YIPF6: variants seen among roughly 807,000 people sequenced by gnomAD.
YIPF6 encodes protein YIPF6.
Under a neutral mutation model 16.8 loss-of-function variants are expected in YIPF6, and 3 were observed. The observed-to-expected ratio is 0.18, with a 90% CI of 0.08 to 0.46. YIPF6 has a LOEUF of 0.46. YIPF6 is among the 20% of genes least tolerant of loss of function. The pLI is 0.98. For synonymous variants in YIPF6, 67 were observed against 61.9 expected (o/e 1.08, Z -0.38); for missense variants, 145 against 184.9 (o/e 0.78, Z 1.25).
intron 6 of YIPF6, among the ~76,000 whole-genome samples, chrX:68,525,785 AGAT>A (rs1258678424): frequency 7.2e-5 from 8 of 111,747 alleles, no homozygotes; most frequent in African/African-American, 2.6e-4. Flanking sequence ...GTCAAAGATC[AGAT>A]GATTTTGGAT....
intron 6 of YIPF6, among the ~76,000 whole-genome samples, chrX:68,524,733 T>A (rs1205060731): frequency 9.1e-6 from 1 of 109,474 alleles, no homozygotes; most frequent in African/African-American, 3.3e-5. Flanking sequence ...CCATGTGTTC[T>A]CATTGTTCAA....
chrX:68,518,970 C>T (rs778195918), intron 4 of YIPF6, among the ~76,000 whole-genome samples, 158 bp downstream of exon 4: 1 of 111,707 alleles, frequency 9.0e-6, no homozygotes, highest in Non-Finnish European at 1.9e-5. Flanking sequence ...TCTAAAGTCA[C>T]TTTCCAAATC....
chrX:68,511,967 G>A lies in YIPF6; in HGVS notation c.176G>A (p.Arg59His), dbSNP rs763487554. 29 of 1,205,274 alleles carry A rather than the reference G, an allele frequency of 2.4e-5. No homozygotes were observed. The highest frequency in any genetic ancestry group is 1.4e-4 in the African/African-American group (8 of 57,027). The change falls in exon 2 of 7, where the codon CGC becomes CAC. Residue 59 changes from arginine to histidine, a missense_variant. Transcript: ENST00000462683. The part of the protein sequence containing the change: ...FDSSTLNESV[R>H]NTIMRDLKAV... ...AGCTCCACATTAAATGAATCTGTTC[G>A]CAATACCATCGTAAGTTAGACTAGT... is the stretch of plus-strand genomic sequence containing the variant.
intron 6 of YIPF6, among the ~76,000 whole-genome samples, chrX:68,528,667 G>A (rs1461068896): frequency 9.0e-6 from 1 of 111,683 alleles, no homozygotes; most frequent in Non-Finnish European, 1.9e-5. Flanking sequence ...GCTATTGTAA[G>A]GCAGTCCTGG....
At chrX:68,524,789 T>C (rs749804655) in intron 6 of YIPF6, among the ~76,000 whole-genome samples, 124 of 110,924 alleles carry the variant, frequency 1.1e-3, no homozygotes, top group African/African-American at 4.0e-3. Flanking sequence ...TTTCTGTTCC[T>C]GTGGTAGTTT....
In YIPF6 at chrX:68,510,504, T is replaced by A. The variant is rs1456265392; in HGVS notation, c.58-1345T>A. 3.6e-5 allele frequency among the ~76,000 whole-genome samples: 4 copies of A among 110,995 alleles called. No individual in the cohort carries two copies. In the Admixed American group the frequency reaches 3.9e-4, roughly 11 times the overall value. ...ACCTTTAAAAAAAAATTCTATGGCA[T>A]GTTTCTTATATTTAAGAAATATGAG... On this transcript the variant is annotated intron_variant, in intron 1 of 6. Coordinates refer to ENST00000462683, the MANE Select transcript of YIPF6 (RefSeq NM_173834.4).
In YIPF6 at chrX:68,518,790, A is replaced by T. The variant is rs146082304; in HGVS notation, c.286A>T (p.Ile96Phe). 4.2e-6 allele frequency: 5 copies of T among 1,177,859 alleles called. No individual in the cohort carries two copies. In the African/African-American group the frequency reaches 5.5e-5, roughly 13 times the overall value. Reference sequence around the variant, plus strand: ...TGTAGGGGATTTGTGGGGCCCTTTGATCCTTTGTGTGACACTCGCATTGTA... The same window carrying T: ...TGTAGGGGATTTGTGGGGCCCTTTGTTCCTTTGTGTGACACTCGCATTGTA... ...LRDWDLWGPL[I>F]LCVTLALMLQ... Residue 96 changes from isoleucine (I) to phenylalanine (F), a missense_variant, in exon 4 of 7, where the codon ATC (isoleucine) becomes TTC (phenylalanine). By Grantham distance (21) the Ile-to-Phe change is conservative. Coordinates refer to ENST00000462683, the MANE Select transcript of YIPF6 (RefSeq NM_173834.4).
chrX:68,523,148 A>G (rs1291448814), intron 6 of YIPF6, among the ~76,000 whole-genome samples: 1 of 110,526 alleles, frequency 9.0e-6, no homozygotes, highest in Non-Finnish European at 1.9e-5. Flanking sequence ...TTTAAAAAAA[A>G]AAAAAGGTTG....
chrX:68,511,893 A>G lies in YIPF6; in HGVS notation c.102A>G (p.Val34=). ...SDISISQDIP[V]EGEITIPMRS... ...TATCCATCTCACAAGACATCCCCGT[A>G]GAAGGAGAAATCACCATTCCTATGA... Residue 34 remains valine (V), a synonymous_variant, in exon 2 of 7, where the codon GTA becomes GTG. Transcript: ENST00000462683. 1 of 1,210,593 alleles carries G rather than the reference A, an allele frequency of 8.3e-7. No individual in the cohort carries two copies.
intron 1 of YIPF6, among the ~76,000 whole-genome samples, chrX:68,508,088 A>G (rs1394221630): frequency 1.9e-5 from 2 of 102,601 alleles, no homozygotes; most frequent in Admixed American, 1.1e-4. Context: ...TTGATGTCTC[A>G]TTATTTTTGG....
intron 6 of YIPF6, among the ~76,000 whole-genome samples, chrX:68,527,070 C>G (rs2079151533): frequency 8.9e-6 from 1 of 111,851 alleles, no homozygotes; most frequent in Non-Finnish European, 1.9e-5. Context: ...TCTTGTACCT[C>G]TGGTAGAATT....
Position 68,534,497 on chromosome X carries a change from C to T in YIPF6, c.*2498C>T, listed in dbSNP as rs1351285428. 9.0e-6 allele frequency: 1 copy of T among 110,856 alleles called. No homozygotes were observed. Among genetic ancestry groups the T allele is most frequent in the Non-Finnish European group, 1.9e-5 (1 of 53,017 alleles). 9.1% of individuals were successfully genotyped at this position (110,856 alleles called of 1,213,427 possible). A position where few individuals can be genotyped will look rare whatever the true frequency, so the allele number is the denominator to read the frequency against. On this transcript the variant is annotated 3_prime_UTR_variant, in exon 7 of 7. Coordinates refer to ENST00000462683, the MANE Select transcript of YIPF6 (RefSeq NM_173834.4). ...ATAACTCAGTTTTTATCTTTTTTCA[C>T]ATTGAAAATCAGTTAGATTTGCTTA...
In YIPF6 at chrX:68,502,830, C is replaced by CT. The variant is rs201143857; in HGVS notation, c.57+3721dup. ...TGTAATAATGGCTGCAGTCTGGGGT[C>CT]TTTTTTTTTTTTTTGAGCCGGAGTT... On this transcript the variant is annotated intron_variant, in intron 1 of 6. Coordinates refer to ENST00000462683, the MANE Select transcript of YIPF6 (RefSeq NM_173834.4). Among the ~76,000 whole-genome samples the CT allele has an allele frequency of 2.6e-3, 253 of 97,010 alleles. 1 individual carries two copies. The highest frequency in any genetic ancestry group is 0.022 in the South Asian group (48 of 2,161). The allele number at this position is 97,010 out of a possible 115,157, so 84.2% of individuals were successfully genotyped here.
chrX:68,500,135 A>G (rs2079035465), intron 1 of YIPF6, among the ~76,000 whole-genome samples: 1 of 111,906 alleles, frequency 8.9e-6, no homozygotes, highest in Non-Finnish European at 1.9e-5. Context: ...AGATAAAAAT[A>G]CCTGCCTCAA....
rs753527502 is a variant in YIPF6, at chrX:68,533,846, ACT to A, written c.*1852_*1853del. On this transcript the variant is annotated 3_prime_UTR_variant, in exon 7 of 7. Transcript: ENST00000462683. The stretch of plus-strand genomic sequence containing the variant: ...TGAAATTCTCTTACTTCCTGCTAAA[ACT>A]CTCTTTCTGCCAAAGTTGTTTCGTA... 7.2e-5 allele frequency: 8 copies of A among 111,698 alleles called. No individual in the cohort carries two copies. Among genetic ancestry groups the A allele is most frequent in the Non-Finnish European group, 1.1e-4 (6 of 53,108 alleles). 9.2% of individuals were successfully genotyped at this position (111,698 alleles called of 1,213,427 possible). A position where few individuals can be genotyped will look rare whatever the true frequency, so the allele number is the denominator to read the frequency against.
At chrX:68,515,672 CT>C (rs528529230) in intron 3 of YIPF6, among the ~76,000 whole-genome samples, 98 of 101,978 alleles carry the variant, frequency 9.6e-4, no homozygotes, top group Admixed American at 1.5e-3. Context: ...TTATGGTTGA[CT>C]TTTTTTTTTT....
At chrX:68,512,458 C>A (rs7055871) in intron 2 of YIPF6, among the ~76,000 whole-genome samples, 10,423 of 108,798 alleles carry the variant, frequency 0.096, 1,160 homozygotes, top group African/African-American at 0.31. Context: ...TCTCAAAAAA[C>A]AAAAAAAAGG....
intron 1 of YIPF6, among the ~76,000 whole-genome samples, chrX:68,507,633 C>T (rs1314528182): frequency 1.9e-5 from 2 of 105,168 alleles, no homozygotes; most frequent in Non-Finnish European, 3.9e-5. Flanking sequence ...GATGGAGTCT[C>T]GCCCTGTCAC....
At position 68,528,838 on chromosome X, in the gene YIPF6, G is replaced by T. The variant is rs559252906; in HGVS notation, c.593-3043G>T. On this transcript the variant is annotated intron_variant, in intron 6 of 6. Coordinates refer to ENST00000462683, the MANE Select transcript of YIPF6 (RefSeq NM_173834.4). ...ACTCTCTTCTTGTAGGGTTTCTGCC[G>T]AGAGATCAGCTGTTAGTCTGATGGG... Among the ~76,000 whole-genome samples, 9 of 111,863 alleles carry T rather than the reference G, an allele frequency of 8.0e-5. No individual in the cohort carries two copies. The South Asian group carries it at 3.4e-3, about 42-fold the overall frequency.
Sources: gnomAD v4.1 joint callset for allele counts (sites outside exome capture counted in the v4.1 genomes callset) on GRCh38, gnomAD v4.1.1 for gene constraint, MANE v1.5 for transcripts, NCBI Gene and HGNC (gene_info 2026-07-23, HGNC 2026-07-21) for gene names.